FRAS1: variants seen among roughly 807,000 people sequenced by gnomAD.
FRAS1 encodes extracellular matrix organizing protein FRAS1.
A neutral mutation model predicts 435.2 loss-of-function variants in FRAS1; 290 were observed. The observed-to-expected ratio is 0.67, with a 90% CI of 0.61 to 0.73. The LOEUF (loss-of-function observed/expected upper bound fraction) is 0.73. FRAS1 is among the 30% of genes least tolerant of loss of function. FRAS1 has a pLI of 0.00. For synonymous variants in FRAS1, 1,800 were observed against 1,851.0 expected (o/e 0.97, Z 0.71); for missense variants, 4,860 against 5,001.5 (o/e 0.97, Z 0.85).
chr4:78,116,141 T>G (rs1238078918), intron 2 of FRAS1, among the ~76,000 whole-genome samples: 6 of 152,346 alleles, frequency 3.9e-5, no homozygotes, highest in African/African-American at 7.2e-5. Context: ...TGAGCAGTTT[T>G]GAGTGAGTGT....
chr4:78,221,718 T>C (rs1724056090), intron 2 of FRAS1, among the ~76,000 whole-genome samples: 2 of 152,212 alleles, frequency 1.3e-5, no homozygotes, highest in African/African-American at 4.8e-5. Flanking sequence ...CAGGGACATA[T>C]TGTCCTACAA....
In FRAS1 at chr4:78,438,581, C is replaced by T; in HGVS notation, c.5229C>T (p.Ser1743=). ...GTTTGCCTCATTAGGATGATTCTTC[C>T]CCCGACCCAGAGATCTGGATTCAGT... is the stretch of plus-strand genomic sequence containing the variant. ...RSHLAYVDDS[S]PDPEIWIQLN... The change falls in exon 39 of 74, where the codon TCC becomes TCT. Residue 1743 remains serine, a synonymous_variant. Transcript: ENST00000512123. The T allele has an allele frequency of 1.9e-6, 3 of 1,613,624 alleles. No individual in the cohort carries two copies. In the East Asian group the frequency reaches 6.7e-5, roughly 36 times the overall value.
chr4:78,140,086 C>T (rs1438157504), intron 2 of FRAS1, among the ~76,000 whole-genome samples: 6 of 152,060 alleles, frequency 3.9e-5, no homozygotes, highest in African/African-American at 1.4e-4. Flanking sequence ...TGAATTATCA[C>T]TATCTATCAA....
chr4:78,473,347 T>A (rs1314418189), intron 52 of FRAS1, 91 bp from the exon 53 acceptor site: 1 of 1,011,768 alleles, frequency 9.9e-7, no homozygotes, highest in Non-Finnish European at 1.5e-6. Flanking sequence ...TGTAATACAT[T>A]AGAAGAATAA....
chr4:78,177,770 C>A (rs530171611), intron 2 of FRAS1, among the ~76,000 whole-genome samples: 2 of 152,256 alleles, frequency 1.3e-5, no homozygotes, highest in East Asian at 1.9e-4. Context: ...GCCTCACCAC[C>A]TTTTACCTTC....
At chr4:78,436,967 T>C (rs56274836) in intron 38 of FRAS1, among the ~76,000 whole-genome samples, 47,416 of 151,990 alleles carry the variant, frequency 0.31, 8,439 homozygotes, top group Admixed American at 0.4. Context: ...AATAAATTAA[T>C]ACAAAAGGGA....
intron 14 of FRAS1, among the ~76,000 whole-genome samples, chr4:78,299,185 G>C (rs1004403883): frequency 1.3e-5 from 2 of 152,200 alleles, no homozygotes; most frequent in African/African-American, 4.8e-5. Context: ...TGGTGTGCAA[G>C]GGGAGATAGT....
chr4:78,315,788 C>A, intron 16 of FRAS1, 54 bp downstream of exon 16: 43 of 1,593,632 alleles, frequency 2.7e-5, no homozygotes, highest in Non-Finnish European at 3.6e-5. Context: ...ACATGTTTGA[C>A]TATACTTGGT....
At chr4:78,539,711 C>T (rs1578381546) in intron 73 of FRAS1, among the ~76,000 whole-genome samples, 1 of 152,296 alleles carries the variant, frequency 6.6e-6, no homozygotes, top group East Asian at 1.9e-4. Context: ...CCAGTTTTTC[C>T]TAAGTTCTTT....
At chr4:78,100,520 C>T (rs543898217) in intron 2 of FRAS1, among the ~76,000 whole-genome samples, 15 of 152,270 alleles carry the variant, frequency 9.9e-5, no homozygotes, top group African/African-American at 3.4e-4. Flanking sequence ...TTAATAATAC[C>T]AATAATTTAT....
chr4:78,242,677 C>T (rs1023816375), intron 3 of FRAS1, among the ~76,000 whole-genome samples: 5 of 152,214 alleles, frequency 3.3e-5, no homozygotes, highest in Admixed American at 2.6e-4. Flanking sequence ...CTCAAGTGAT[C>T]CAACCACCTC....
chr4:78,302,075 A>G (rs1475098860), intron 14 of FRAS1, among the ~76,000 whole-genome samples: 29 of 151,104 alleles, frequency 1.9e-4, no homozygotes, highest in Admixed American at 3.3e-4. Flanking sequence ...TCATTGTTCA[A>G]TTCCCACCTA....
intron 31 of FRAS1, among the ~76,000 whole-genome samples, chr4:78,412,638 A>G (rs919492394): frequency 6.6e-6 from 1 of 152,212 alleles, no homozygotes; most frequent in African/African-American, 2.4e-5. Flanking sequence ...AAATTATAAT[A>G]TGTAATTGAT....
intron 58 of FRAS1, 85 bp downstream of exon 58, chr4:78,482,620 T>C (rs897146618): frequency 6.5e-6 from 9 of 1,384,120 alleles, no homozygotes; most frequent in African/African-American, 2.9e-5. Flanking sequence ...TTGGAACTCA[T>C]TCACATTTTC....
At chr4:78,450,868 A>G (rs1718997285) in intron 45 of FRAS1, among the ~76,000 whole-genome samples, 1 of 152,194 alleles carries the variant, frequency 6.6e-6, no homozygotes, top group African/African-American at 2.4e-5. Flanking sequence ...TAGTTACTGT[A>G]CAGTGCTTTC....
At chr4:78,424,462 C>G (rs1402354768) in intron 35 of FRAS1, 42 bp downstream of exon 35, 1 of 1,080,858 alleles carries the variant, frequency 9.3e-7, no homozygotes, top group East Asian at 3.0e-5. Flanking sequence ...GAAATTTTTT[C>G]TTTCCTTATT....
intron 3 of FRAS1, among the ~76,000 whole-genome samples, chr4:78,244,052 A>G (rs932340219): frequency 6.6e-6 from 1 of 152,146 alleles, no homozygotes; most frequent in Non-Finnish European, 1.5e-5. Flanking sequence ...ATCCCATGTC[A>G]TATAAGTTTT....
At chr4:78,193,175 G>T (rs1482378483) in intron 2 of FRAS1, among the ~76,000 whole-genome samples, 1 of 152,194 alleles carries the variant, frequency 6.6e-6, no homozygotes, top group Non-Finnish European at 1.5e-5. Flanking sequence ...CACTTGCCAA[G>T]GAGTGCTTTA....
At chr4:78,287,172 T>G (rs6840763) in intron 14 of FRAS1, among the ~76,000 whole-genome samples, 6,766 of 151,616 alleles carry the variant, frequency 0.045, 525 homozygotes, top group African/African-American at 0.15. Context: ...GAGAGAGAGA[T>G]AATGAAGGGG....
Sources: allele counts gnomAD v4.1 joint callset (sites outside exome capture counted in the v4.1 genomes callset), GRCh38; gene constraint gnomAD v4.1.1; transcripts MANE v1.5; gene names NCBI Gene and HGNC (gene_info 2026-07-23, HGNC 2026-07-21).